The following JADE3 variants were observed in gnomAD, a reference collection of about 807,000 sequenced individuals.
JADE3 encodes protein Jade-3.
In JADE3, 2 loss-of-function variants were observed where a neutral mutation model predicts 50.1. The observed-to-expected ratio is 0.04, with a 90% CI of 0.02 to 0.13. JADE3 has a LOEUF of 0.13. JADE3 is among the 10% of genes least tolerant of loss of function. The probability of loss-of-function intolerance (pLI) is 1.00; values close to 1 mark genes in which losing one functional copy is unlikely to be tolerated. For synonymous variants in JADE3, 218 were observed against 232.9 expected (o/e 0.94, Z 0.58); for missense variants, 475 against 634.4 (o/e 0.75, Z 2.70).
intron 8 of JADE3, among the ~76,000 whole-genome samples, chrX:47,048,617 A>C (rs1266725656): frequency 1.8e-5 from 2 of 112,112 alleles, no homozygotes; most frequent in East Asian, 5.5e-4. Context: ...CTTATATGAA[A>C]TGTCCAGAAT....
At chrX:47,014,990 T>C (rs1372383342) in intron 4 of JADE3, among the ~76,000 whole-genome samples, 2 of 112,336 alleles carry the variant, frequency 1.8e-5, no homozygotes, top group Non-Finnish European at 3.8e-5. Context: ...AATTGTTGAA[T>C]TGTAAAAATT....
intron 3 of JADE3, among the ~76,000 whole-genome samples, chrX:46,987,866 A>T (rs1045704010): frequency 8.0e-5 from 9 of 112,252 alleles, no homozygotes; most frequent in African/African-American, 2.9e-4. Flanking sequence ...TGCTGAAAGC[A>T]AATTGTTTTC....
At chrX:46,935,538 G>A (rs1556340769) in intron 1 of JADE3, among the ~76,000 whole-genome samples, 8 of 110,559 alleles carry the variant, frequency 7.2e-5, no homozygotes, top group Middle Eastern at 4.7e-3. Context: ...CAGATCAGTG[G>A]TTGCATTAGA....
At chrX:46,988,834 G>A (rs1309626043) in intron 3 of JADE3, among the ~76,000 whole-genome samples, 6 of 112,367 alleles carry the variant, frequency 5.3e-5, no homozygotes, top group Non-Finnish European at 9.4e-5. Context: ...GCCATTGGCT[G>A]CTTTTTATTT....
At chrX:47,051,762 A>ACTC (rs782206904) in intron 8 of JADE3, among the ~76,000 whole-genome samples, 2 of 107,992 alleles carry the variant, frequency 1.9e-5, no homozygotes, top group African/African-American at 6.8e-5. Context: ...ACGCCACTGC[A>ACTC]CTCCAGCCTG....
chrX:46,978,230 AT>A (rs1440197109), intron 1 of JADE3, among the ~76,000 whole-genome samples: 4 of 111,929 alleles, frequency 3.6e-5, no homozygotes, highest in Non-Finnish European at 5.6e-5. Context: ...CACAAAAAAA[AT>A]CTCAGTGTTT....
intron 5 of JADE3, 60 bp downstream of exon 5, chrX:47,024,974 A>T: frequency 1.7e-6 from 1 of 598,887 alleles, no homozygotes. Flanking sequence ...TTAAGTTATC[A>T]GAACCCTTTA....
At chrX:46,970,493 T>A (rs782583489) in intron 1 of JADE3, among the ~76,000 whole-genome samples, 2 of 111,974 alleles carry the variant, frequency 1.8e-5, no homozygotes, top group Admixed American at 9.5e-5. Flanking sequence ...TTAACAGTTT[T>A]AGGCTGTGAT....
chrX:47,049,584 C>T (rs1298234376), intron 8 of JADE3, among the ~76,000 whole-genome samples: 2 of 107,489 alleles, frequency 1.9e-5, no homozygotes, highest in Non-Finnish European at 3.9e-5. Flanking sequence ...TAGCTGAGAC[C>T]ACAGGTGTGC....
At chrX:47,026,396 A>T (rs1399096618) in intron 5 of JADE3, among the ~76,000 whole-genome samples, 1 of 111,884 alleles carries the variant, frequency 8.9e-6, no homozygotes, top group Non-Finnish European at 1.9e-5. Context: ...CAGTTCCCCT[A>T]ATGTTAACAT....
At chrX:46,943,173 A>C (rs1385784816) in intron 1 of JADE3, among the ~76,000 whole-genome samples, 1 of 111,942 alleles carries the variant, frequency 8.9e-6, no homozygotes, top group Non-Finnish European at 1.9e-5. Flanking sequence ...CTCTTTTCCA[A>C]TTTGGATGCC....
intron 6 of JADE3, among the ~76,000 whole-genome samples, chrX:47,033,359 G>A (rs1346127341): frequency 8.9e-6 from 1 of 112,059 alleles, no homozygotes; most frequent in South Asian, 3.7e-4. Context: ...TAACAGTTGG[G>A]TTAACGGTTG....
At chrX:47,020,330 CAA>C (rs371127670) in intron 4 of JADE3, among the ~76,000 whole-genome samples, 8 of 65,187 alleles carry the variant, frequency 1.2e-4, no homozygotes, top group African/African-American at 1.2e-4. Flanking sequence ...GACTTGGTCT[CAA>C]AAAAAAAAAA....
At chrX:46,944,534 C>T (rs1485061962) in intron 1 of JADE3, among the ~76,000 whole-genome samples, 3 of 110,760 alleles carry the variant, frequency 2.7e-5, no homozygotes, top group African/African-American at 9.9e-5. Flanking sequence ...TCTCGAACTC[C>T]TGACCTCAGA....
At chrX:47,004,633 A>G (rs1235270679) in intron 4 of JADE3, among the ~76,000 whole-genome samples, 1 of 111,645 alleles carries the variant, frequency 9.0e-6, no homozygotes, top group East Asian at 2.8e-4. Flanking sequence ...AAGTCTTCCT[A>G]TGTTGGCCAG....
chrX:46,986,099 G>A (rs1429167268), intron 3 of JADE3, among the ~76,000 whole-genome samples: 4 of 111,422 alleles, frequency 3.6e-5, no homozygotes, highest in African/African-American at 1.3e-4. Flanking sequence ...CTTCCACCAT[G>A]AGTAGAAGCA....
At chrX:46,989,757 A>C (rs782494329) in intron 3 of JADE3, among the ~76,000 whole-genome samples, 29 of 111,813 alleles carry the variant, frequency 2.6e-4, no homozygotes, top group Middle Eastern at 4.6e-3. Flanking sequence ...AAGTTTGGGA[A>C]ATTTTCAGCC....
intron 1 of JADE3, among the ~76,000 whole-genome samples, chrX:46,919,281 G>A (rs1556337190): frequency 1.8e-5 from 2 of 111,604 alleles, no homozygotes; most frequent in African/African-American, 6.5e-5. Flanking sequence ...GCATTATCAC[G>A]AAAACCCTAG....
At chrX:47,002,001 T>C (rs1928298545) in intron 4 of JADE3, among the ~76,000 whole-genome samples, 1 of 111,826 alleles carries the variant, frequency 8.9e-6, no homozygotes, top group Admixed American at 9.6e-5. Context: ...ATTTGAGATA[T>C]GAATCCATTG....
Sources: allele counts gnomAD v4.1 joint callset (sites outside exome capture counted in the v4.1 genomes callset), GRCh38; gene constraint gnomAD v4.1.1; transcripts MANE v1.5; gene names NCBI Gene and HGNC (gene_info 2026-07-23, HGNC 2026-07-21).